The following PUM1 variants were observed in gnomAD, a reference collection of about 807,000 sequenced individuals.
The protein encoded by PUM1 is pumilio RNA binding family member 1, also known as pumilio homolog 1.
A neutral mutation model predicts 131.8 loss-of-function variants in PUM1; 13 were observed. The ratio of observed to expected loss-of-function variants is 0.10; its 90% confidence interval spans 0.06 to 0.16. The LOEUF is 0.16. PUM1 is among the 10% of genes least tolerant of loss of function. The probability of loss-of-function intolerance (pLI) is 1.00; values close to 1 mark genes in which losing one functional copy is unlikely to be tolerated. For synonymous variants in PUM1, 509 were observed against 556.5 expected (o/e 0.91, Z 1.20); for missense variants, 961 against 1,512.4 (o/e 0.64, Z 6.05).
intron 2 of PUM1, among the ~76,000 whole-genome samples, chr1:31,044,332 G>A (rs1464660650): frequency 6.6e-6 from 1 of 152,134 alleles, no homozygotes; most frequent in Non-Finnish European, 1.5e-5. Context: ...ACCCCAGGGG[G>A]CGGAGCCTGC....
chr1:30,941,033 G>A, intron 20 of PUM1, 118 bp downstream of exon 20: 1 of 1,204,272 alleles, frequency 8.3e-7, no homozygotes, highest in East Asian at 2.5e-5. Flanking sequence ...TGACTTTTAA[G>A]CTATATATAC....
intron 2 of PUM1, among the ~76,000 whole-genome samples, chr1:31,048,012 G>C (rs1053655322): frequency 3.3e-5 from 5 of 151,806 alleles, no homozygotes; most frequent in African/African-American, 1.2e-4. Context: ...AGGCCGAGGC[G>C]GGTGGATCAT....
chr1:30,964,253 T>C (rs1640534910), intron 14 of PUM1, among the ~76,000 whole-genome samples: 1 of 152,190 alleles, frequency 6.6e-6, no homozygotes, highest in Admixed American at 6.5e-5. Context: ...CAAGATATTA[T>C]ATGTACATAT....
intron 7 of PUM1, among the ~76,000 whole-genome samples, chr1:30,982,445 C>A (rs1641391061): frequency 6.6e-6 from 1 of 152,180 alleles, no homozygotes; most frequent in African/African-American, 2.4e-5. Context: ...AATGGGCCTC[C>A]TTCCAAGGAG....
At chr1:31,028,991 C>T in intron 2 of PUM1, 127 bp from the exon 3 acceptor site, 1 of 736,694 alleles carries the variant, frequency 1.4e-6, no homozygotes, top group Non-Finnish European at 2.4e-6. Context: ...TAGCAATGAT[C>T]AAGTGACTAA....
chr1:30,938,005 C>T (rs1639286202), intron 20 of PUM1, among the ~76,000 whole-genome samples: 1 of 152,082 alleles, frequency 6.6e-6, no homozygotes, highest in Non-Finnish European at 1.5e-5. Context: ...CTCCCAACCT[C>T]AAGCAATCTG....
chr1:30,997,120 A>C (rs1642007408), intron 5 of PUM1, among the ~76,000 whole-genome samples: 1 of 152,230 alleles, frequency 6.6e-6, no homozygotes, highest in Non-Finnish European at 1.5e-5. Flanking sequence ...TGCCACGCCT[A>C]AGTCATCATC....
rs1011069424 is a variant in PUM1 at position 31,020,797 on chromosome 1, T to C, written c.432+7999A>G. ...ATATGCCTGCTATGTATATAGGGAATACAACACAGAAAATAAACTTTTGCT... is the reference window on the plus strand; with the variant it reads ...ATATGCCTGCTATGTATATAGGGAACACAACACAGAAAATAAACTTTTGCT... On this transcript the variant is annotated intron_variant, in intron 3 of 21. Coordinates refer to ENST00000426105, the MANE Select transcript of PUM1 (RefSeq NM_001020658.2). Among the ~76,000 whole-genome samples, 4 of 152,172 alleles carry C rather than the reference T, an allele frequency of 2.6e-5. No homozygotes were observed. The South Asian group carries it at 6.2e-4, about 24-fold the overall frequency.
chr1:30,999,774 G>T (rs1642137250), intron 5 of PUM1, among the ~76,000 whole-genome samples: 1 of 150,174 alleles, frequency 6.7e-6, no homozygotes, highest in Admixed American at 6.7e-5. Flanking sequence ...AATAATGCAT[G>T]CCTAAAAGTT....
chr1:30,959,385 C>A (rs374742750), intron 14 of PUM1, among the ~76,000 whole-genome samples: 1 of 152,082 alleles, frequency 6.6e-6, no homozygotes, highest in African/African-American at 2.4e-5. Flanking sequence ...ACAAACACAC[C>A]AAATCGAACA....
intron 5 of PUM1, among the ~76,000 whole-genome samples, chr1:31,005,507 T>C (rs1642367429): frequency 6.6e-6 from 1 of 152,196 alleles, no homozygotes; most frequent in Admixed American, 6.5e-5. Flanking sequence ...AGCTTTATTT[T>C]TTTAATTCCT....
intron 3 of PUM1, among the ~76,000 whole-genome samples, chr1:31,011,886 T>A (rs1300163635): frequency 2.6e-5 from 4 of 152,104 alleles, no homozygotes; most frequent in Admixed American, 6.6e-5. Context: ...GATGTGACAA[T>A]TCCAAAAGAA....
At chr1:30,933,419 T>C (rs1639039035) in intron 21 of PUM1, 77 bp from the exon 22 acceptor site, 1 of 1,337,494 alleles carries the variant, frequency 7.5e-7, no homozygotes, top group East Asian at 2.7e-5. Flanking sequence ...TGCATTTGCA[T>C]GTCATGCATC....
At chr1:30,947,667 G>C (rs1050084114) in intron 17 of PUM1, among the ~76,000 whole-genome samples, 1 of 152,128 alleles carries the variant, frequency 6.6e-6, no homozygotes, top group African/African-American at 2.4e-5. Context: ...TGGCTAAACT[G>C]TGCTGCCAGT....
At chr1:31,021,601 T>C (rs1190685916) in intron 3 of PUM1, among the ~76,000 whole-genome samples, 1 of 152,040 alleles carries the variant, frequency 6.6e-6, no homozygotes, top group Non-Finnish European at 1.5e-5. Context: ...TAAAACAAAC[T>C]GGGCCATGAT....
chr1:31,007,749 A>G (rs1306339699), intron 3 of PUM1, among the ~76,000 whole-genome samples: 1 of 152,256 alleles, frequency 6.6e-6, no homozygotes, highest in Non-Finnish European at 1.5e-5. Context: ...TAATGCCATT[A>G]AAGTGACTTC....
At chr1:31,009,413 G>C (rs559992310) in intron 3 of PUM1, among the ~76,000 whole-genome samples, 38 of 152,206 alleles carry the variant, frequency 2.5e-4, no homozygotes, top group African/African-American at 8.9e-4. Context: ...AACCATTCTT[G>C]TCCTTTAAAT....
intron 2 of PUM1, among the ~76,000 whole-genome samples, chr1:31,043,260 T>C (rs992622527): frequency 6.6e-6 from 1 of 152,178 alleles, no homozygotes; most frequent in Admixed American, 6.6e-5. Context: ...TGGAGTGCAA[T>C]GGTGCGATCT....
At chr1:30,994,960 AG>A in intron 6 of PUM1, 93 bp downstream of exon 6, 1 of 1,296,908 alleles carries the variant, frequency 7.7e-7, no homozygotes, top group Non-Finnish European at 1.1e-6. Context: ...AAACATGAAG[AG>A]GGGAAGAAAA....
Sources: gnomAD v4.1 joint callset for allele counts (sites outside exome capture counted in the v4.1 genomes callset) on GRCh38, gnomAD v4.1.1 for gene constraint, MANE v1.5 for transcripts, NCBI Gene and HGNC (gene_info 2026-07-23, HGNC 2026-07-21) for gene names.